KANK2: variants seen among roughly 807,000 people sequenced by gnomAD.
The protein encoded by KANK2 is KN motif and ankyrin repeat domains 2, also known as KN motif and ankyrin repeat domain-containing protein 2.
A neutral mutation model predicts 74.6 loss-of-function variants in KANK2; 41 were observed. The ratio of observed to expected loss-of-function variants is 0.55; its 90% CI spans 0.43 to 0.71. The LOEUF (loss-of-function observed/expected upper bound fraction) is 0.71, where lower values mean the gene tolerates loss of function less well. Ranked by LOEUF, KANK2 falls within the 30% of genes least tolerant of loss-of-function variation. KANK2 has a pLI of 0.00. For synonymous variants in KANK2, 537 were observed against 519.0 expected (o/e 1.03, Z -0.47); for missense variants, 1,148 against 1,196.4 (o/e 0.96, Z 0.60).
intron 4 of KANK2, among the ~76,000 whole-genome samples, chr19:11,182,551 C>A (rs761628997): frequency 0.035 from 4,581 of 130,234 alleles, 182 homozygotes; most frequent in Non-Finnish European, 0.052. Context: ...AAAAACAAAA[C>A]AAAACAAAAA....
intron 4 of KANK2, among the ~76,000 whole-genome samples, chr19:11,181,278 T>C (rs1189928019): frequency 6.6e-6 from 1 of 151,010 alleles, no homozygotes; most frequent in East Asian, 2.0e-4. Flanking sequence ...ATACAGTCTT[T>C]CTCCATCGTC....
chr19:11,193,235 TC>T lies in KANK2; in HGVS notation c.844del (p.Glu282ArgfsTer52). 1.2e-6 allele frequency: 2 copies of T among 1,609,806 alleles called. No homozygotes were observed. The highest frequency in any genetic ancestry group is 1.7e-6 in the Non-Finnish European group (2 of 1,179,738). ...RERDLGMPDG[E>X]AALAAKVAVL... ...AGCGACCTTGGCGGCGAGGGCAGCC[TC>T]CCCATCAGGCATGCCCAAGTCCCGT... On this transcript the variant is annotated frameshift_variant, in exon 4 of 13. Transcript: ENST00000586659. LOFTEE classifies it high-confidence loss of function. This position sits in a 1 kb window ranked among gnomAD's most constrained non-coding sequence, Gnocchi z 9.6.
Position 11,178,384 on chromosome 19 carries a change from G to GCCCA in KANK2, c.1480_1481insTGGG (p.Ala494ValfsTer17). On this transcript the variant is annotated frameshift_variant, in exon 6 of 13. Transcript: ENST00000586659. LOFTEE classifies it high-confidence loss of function. ...CACGAACTGGAGGCTCCTCCGGTGGGCCGTGGGGTCTGCAACCTCCTCTTT... is the reference window on the plus strand; with the variant it reads ...CACGAACTGGAGGCTCCTCCGGTGGGCCCACCGTGGGGTCTGCAACCTCCTCTTT... The GCCCA allele has an allele frequency of 6.4e-7, 1 of 1,560,462 alleles. No individual in the cohort carries two copies. The highest frequency in any genetic ancestry group is 8.6e-7 in the Non-Finnish European group (1 of 1,160,314).
chr19:11,190,599 G>A (rs1454447914), intron 4 of KANK2, among the ~76,000 whole-genome samples: 3 of 152,164 alleles, frequency 2.0e-5, no homozygotes, highest in Admixed American at 1.3e-4. Context: ...CTCTAGAGGT[G>A]GAGAGCATTA....
At chr19:11,172,646 T>C (rs532058494) in intron 10 of KANK2, among the ~76,000 whole-genome samples, 1 of 152,274 alleles carries the variant, frequency 6.6e-6, no homozygotes, top group South Asian at 2.1e-4. Context: ...CGGTGCTCCC[T>C]AAAATGCTTA....
At position 11,192,782 on chromosome 19, in the gene KANK2, G is replaced by GC. The variant is rs767572937; in HGVS notation, c.1249+48_1249+49insG. 1.1e-3 allele frequency: 1,737 copies of GC among 1,542,514 alleles called. 38 individuals are homozygous for GC. In the Admixed American group the frequency reaches 0.028, roughly 25 times the overall value. On this transcript the variant is annotated intron_variant, in intron 4 of 12. Transcript: ENST00000586659. ...CCAGGATGAGCCATGGGAAGAAAGA[G>GC]GCCCCCCCCCCCCAAGCCATTCTCC... is the stretch of plus-strand genomic sequence containing the variant.
intron 10 of KANK2, among the ~76,000 whole-genome samples, chr19:11,172,570 G>A (rs1377917419): frequency 1.3e-5 from 2 of 152,112 alleles, no homozygotes; most frequent in African/African-American, 2.4e-5. Context: ...ATCAGGCCAC[G>A]CCACTTCCCT....
At position 11,169,978 on chromosome 19, in the gene KANK2, C is replaced by T. The variant is rs867583446; in HGVS notation, c.2413-12G>A. The T allele has an allele frequency of 4.3e-6, 7 of 1,614,002 alleles. No individual in the cohort carries two copies. The Middle Eastern group carries it at 8.3e-4, about 190-fold the overall frequency. On this transcript the variant is annotated splice_polypyrimidine_tract_variant and intron_variant, in intron 11 of 12. Transcript: ENST00000586659. ...GCTGTGCTCCCATCCTGCAAAGTAT[C>T]CGGTGCTATGAATGACGTCCCCATG...
chr19:11,178,212 T>G, intron 6 of KANK2, 133 bp downstream of exon 6: 3 of 777,302 alleles, frequency 3.9e-6, no homozygotes, highest in Non-Finnish European at 5.6e-6. Flanking sequence ...TCCTCATCTC[T>G]GTGTTGTGGT....
intron 3 of KANK2, 137 bp from the exon 4 acceptor site, chr19:11,194,179 C>CTG: frequency 1.1e-6 from 1 of 912,830 alleles, no homozygotes; most frequent in Non-Finnish European, 1.6e-6. Context: ...CGTCTGCTCT[C>CTG]AGACCCTCCA....
intron 4 of KANK2, among the ~76,000 whole-genome samples, chr19:11,192,159 G>C (rs1339021555): frequency 6.6e-6 from 1 of 152,160 alleles, no homozygotes; most frequent in African/African-American, 2.4e-5. Flanking sequence ...TTCACTGCTT[G>C]AACAGCTCCG....
Position 11,166,541 on chromosome 19 carries a change from C to T in KANK2, c.*17G>A, listed in dbSNP as rs1448032577. ...ACGGTTTGCTCCCGGTCTGGCTGGTCCCCGCCTCCCTCACGGCTACTCTTC... is the reference window on the plus strand; with the variant it reads ...ACGGTTTGCTCCCGGTCTGGCTGGTTCCCGCCTCCCTCACGGCTACTCTTC... On this transcript the variant is annotated 3_prime_UTR_variant, in exon 13 of 13. Coordinates refer to ENST00000586659, the MANE Select transcript of KANK2 (RefSeq NM_001136191.3). 1 of 1,613,002 alleles carries T rather than the reference C, an allele frequency of 6.2e-7. No individual in the cohort carries two copies. The highest frequency in any genetic ancestry group is 2.2e-5 in the East Asian group (1 of 44,860).
At chr19:11,169,758 G>A in intron 12 of KANK2, 119 bp downstream of exon 12, 1 of 809,240 alleles carries the variant, frequency 1.2e-6, no homozygotes, top group Non-Finnish European at 2.0e-6. Context: ...CCCAGATCGT[G>A]CCACCGCACT....
chr19:11,194,079 C>G (rs2078945637), intron 3 of KANK2, 37 bp from the exon 4 acceptor site: 2 of 1,556,246 alleles, frequency 1.3e-6, no homozygotes, highest in Non-Finnish European at 1.7e-6. Context: ...TTTGAATCCT[C>G]TTGTCCCCAT....
intron 8 of KANK2, 53 bp from the exon 9 acceptor site, chr19:11,174,745 A>C: frequency 5.7e-6 from 8 of 1,399,144 alleles, no homozygotes; most frequent in Non-Finnish European, 7.9e-6. Context: ...GCCCACTGGG[A>C]CACCCCCCAC....
At position 11,178,315 on chromosome 19, in the gene KANK2, G is replaced by A. The variant is rs754520585; in HGVS notation, c.1520+30C>T. 1.0e-5 allele frequency: 7 copies of A among 689,700 alleles called. No homozygotes were observed. The East Asian group carries it at 2.2e-4, about 22-fold the overall frequency. The allele number at this position is 689,700 out of a possible 1,614,324, so 42.7% of individuals were successfully genotyped here. A position where few individuals can be genotyped will look rare whatever the true frequency, so the allele number is the denominator to read the frequency against. ...TGAATGGAGGAGGGGCGGGAAGTATGGGGTGGGGGGTGGGGTCTTCTCCTC... is the reference window on the plus strand; with the variant it reads ...TGAATGGAGGAGGGGCGGGAAGTATAGGGTGGGGGGTGGGGTCTTCTCCTC... On this transcript the variant is annotated intron_variant, in intron 6 of 12. Transcript: ENST00000586659.
At chr19:11,172,133 G>A (rs561016193) in intron 10 of KANK2, among the ~76,000 whole-genome samples, 9 of 151,654 alleles carry the variant, frequency 5.9e-5, no homozygotes, top group Admixed American at 3.3e-4. Context: ...GTGCCACCAC[G>A]CCCAGCTAAT....
Position 11,164,883 on chromosome 19 carries a change from C to T in KANK2, c.*1675G>A, listed in dbSNP as rs915244621. The T allele has an allele frequency of 1.3e-5, 2 of 152,100 alleles. No individual in the cohort carries two copies. Among genetic ancestry groups the T allele is most frequent in the Non-Finnish European group, 2.9e-5 (2 of 68,028 alleles). 9.4% of individuals were successfully genotyped at this position (152,100 alleles called of 1,614,324 possible). A position where few individuals can be genotyped will look rare whatever the true frequency, so the allele number is the denominator to read the frequency against. On this transcript the variant is annotated 3_prime_UTR_variant, in exon 13 of 13. Transcript: ENST00000586659. ...ACTTTTCTAAGGAGAGAAACCAGTG[C>T]TTTGCCTTCTTTAATGAACCTGCGA...
chr19:11,173,851 G>A (rs1288322142), intron 9 of KANK2, among the ~76,000 whole-genome samples: 1 of 152,138 alleles, frequency 6.6e-6, no homozygotes, highest in Non-Finnish European at 1.5e-5. Flanking sequence ...GGAGGGTGGT[G>A]TCTCTGCCAT....
Sources: allele counts gnomAD v4.1 joint callset (sites outside exome capture counted in the v4.1 genomes callset), GRCh38; gene constraint gnomAD v4.1.1; non-coding constraint Gnocchi (gnomAD v3.1); transcripts MANE v1.5; gene names NCBI Gene and HGNC (gene_info 2026-07-23, HGNC 2026-07-21).